LRP1: variants seen among roughly 807,000 people sequenced by gnomAD.
LRP1 encodes the protein prolow-density lipoprotein receptor-related protein 1.
Under a neutral mutation model 541.5 loss-of-function variants are expected in LRP1, and 51 were observed. The observed-to-expected ratio is 0.09, with a 90% CI of 0.08 to 0.12. The LOEUF is 0.12. LRP1 is among the 10% of genes least tolerant of loss of function. The pLI is 1.00. For synonymous variants in LRP1, 2,219 were observed against 2,470.8 expected, an observed-to-expected ratio of 0.90 and a Z score of 3.02; for missense variants, 3,878 against 6,376.2, an observed-to-expected ratio of 0.61 and a Z score of 13.34.
chr12:57,208,259 G>T (rs759037812), intron 77 of LRP1, 43 bp downstream of exon 77: 7 of 1,587,616 alleles, frequency 4.4e-6, no homozygotes, highest in Non-Finnish European at 6.0e-6. Context: ...CTGGTGGTAG[G>T]AAGCCCCCGG....
In LRP1 at chr12:57,191,875, A is replaced by G. The variant is rs1219772343; in HGVS notation, c.7429+363A>G. 3.0e-3 allele frequency among the ~76,000 whole-genome samples: 38 copies of G among 12,648 alleles called. No individual in the cohort carries two copies. The East Asian group carries it at 0.038, about 13-fold the overall frequency. The allele number at this position is 12,648 out of a possible 152,430, so 8.3% of individuals were successfully genotyped here. ...CACACACCACATACACACCACACATACCACACACACCCCACACATACCACA... is the reference window on the plus strand; with the variant it reads ...CACACACCACATACACACCACACATGCCACACACACCCCACACATACCACA... On this transcript the variant is annotated intron_variant, in intron 44 of 88. Coordinates refer to ENST00000243077, the MANE Select transcript of LRP1 (RefSeq NM_002332.3).
intron 18 of LRP1, 92 bp downstream of exon 18, chr12:57,167,138 C>T: frequency 9.5e-7 from 1 of 1,049,976 alleles, no homozygotes; most frequent in Non-Finnish European, 1.5e-6. Flanking sequence ...CACCTGCAAC[C>T]CAGCACTTGG....
Position 57,187,407 on chromosome 12 carries a change from A to C in LRP1, c.6982A>C (p.Met2328Leu). The change falls in exon 42 of 89, where the codon ATG becomes CTG. Residue 2328 changes from methionine (M) to leucine (L), a missense_variant. Met to Leu is a conservative substitution (Grantham distance 15). Around this residue, in one of 13 missense-constraint regions of LRP1, gnomAD observed 1,100 missense variants for 1,827.4 expected, o/e 0.60. Transcript: ENST00000243077. Reference protein sequence around the residue: ...GAFERETVITMSGDDHPRAFV... With the variant: ...GAFERETVITLSGDDHPRAFV... ...CTTCGAGCGTGAGACCGTCATCACT[A>C]TGTCTGGAGATGACCACCCACGGGC... 5.0e-6 allele frequency: 8 copies of C among 1,614,110 alleles called. No homozygotes were observed. Among genetic ancestry groups the C allele is most frequent in the Non-Finnish European group, 6.8e-6 (8 of 1,180,016 alleles).
chr12:57,203,706 G>C (rs1269858429), intron 70 of LRP1, 185 bp downstream of exon 70: 1 of 743,716 alleles, frequency 1.3e-6, no homozygotes, highest in African/African-American at 1.8e-5. Context: ...AAGACACAGG[G>C]CCCCTGAATA....
At chr12:57,160,654 C>A (rs1308105546) in intron 12 of LRP1, among the ~76,000 whole-genome samples, 1 of 152,182 alleles carries the variant, frequency 6.6e-6, no homozygotes, top group Non-Finnish European at 1.5e-5. Context: ...TCCGTGGGAG[C>A]AGGGACCTTG....
In LRP1 at chr12:57,197,015, G is replaced by A. The variant is rs768476942; in HGVS notation, c.8926G>A (p.Asp2976Asn). Reference protein sequence around the residue: ...RCRPGFRLKDDGRTCADVDEC... With the variant: ...RCRPGFRLKDNGRTCADVDEC... ...TCGCCCTGGCTTCCGGCTGAAGGAC[G>A]ACGGCCGGACGTGTGCTGATGTGGA... The change falls in exon 56 of 89, where the codon GAC becomes AAC. Residue 2976 changes from aspartate to asparagine, a missense_variant. Coordinates refer to ENST00000243077, the MANE Select transcript of LRP1 (RefSeq NM_002332.3). This position sits in a 1 kb window ranked among gnomAD's most constrained non-coding sequence, Gnocchi z 4.5. 14 of 1,613,340 alleles carry A rather than the reference G, an allele frequency of 8.7e-6. No individual in the cohort carries two copies. The South Asian group carries it at 1.2e-4, about 14-fold the overall frequency.
chr12:57,135,810 G>A (rs2035148333), intron 1 of LRP1, among the ~76,000 whole-genome samples: 1 of 152,054 alleles, frequency 6.6e-6, no homozygotes, highest in South Asian at 2.1e-4. Context: ...CCTCTGTGGA[G>A]TTCAGGCCAA....
At chr12:57,194,232 C>A in intron 48 of LRP1, 122 bp from the exon 49 acceptor site, 1 of 1,188,070 alleles carries the variant, frequency 8.4e-7, no homozygotes, top group Non-Finnish European at 1.2e-6. Flanking sequence ...CAGACAGTGC[C>A]CCACCAGAAG....
Position 57,173,382 on chromosome 12 carries a change from A to G in LRP1, c.3346+32A>G. The G allele has an allele frequency of 1.2e-6, 2 of 1,602,372 alleles. No homozygotes were observed. Among genetic ancestry groups the G allele is most frequent in the South Asian group, 2.2e-5 (2 of 89,754 alleles). ...AGGATGGTTGGAGGGCGTCTGGAACAGCACAATGTGGGCAGGAGGAGACCG... is the reference window on the plus strand; with the variant it reads ...AGGATGGTTGGAGGGCGTCTGGAACGGCACAATGTGGGCAGGAGGAGACCG... On this transcript the variant is annotated intron_variant, in intron 21 of 88. Transcript: ENST00000243077. This position sits in a 1 kb window ranked among gnomAD's most constrained non-coding sequence, Gnocchi z 4.7.
chr12:57,200,410 A>AC, intron 62 of LRP1, 32 bp from the exon 63 acceptor site: 8 of 507,286 alleles, frequency 1.6e-5, no homozygotes, highest in Admixed American at 5.9e-5. Flanking sequence ...CCAGACCCCC[A>AC]CCAACCCCTC....
Position 57,149,840 on chromosome 12 carries a change from C to T in LRP1, c.841+4350C>T. 5 of 685,194 alleles carry T rather than the reference C, an allele frequency of 7.3e-6. No individual in the cohort carries two copies. In the South Asian group the frequency reaches 7.7e-5, roughly 11 times the overall value. The allele number at this position is 685,194 out of a possible 1,614,324, so 42.4% of individuals were successfully genotyped here. A position where few individuals can be genotyped will look rare whatever the true frequency, so the allele number is the denominator to read the frequency against. ...TTCTGCCAGGCTCGCCAGGAGGTCT[C>T]CTTCCCACCTTCGAAGTCCTCAGAC... On this transcript the variant is annotated intron_variant, in intron 6 of 88. Transcript: ENST00000243077.
At chr12:57,198,697 G>A (rs1307041915) in intron 60 of LRP1, 27 bp downstream of exon 60, 5 of 1,582,986 alleles carry the variant, frequency 3.2e-6, no homozygotes, top group Non-Finnish European at 4.3e-6. Flanking sequence ...GGCTGTCCAG[G>A]CACAGCAGAC....
At chr12:57,163,893 G>A (rs1480012650) in intron 15 of LRP1, among the ~76,000 whole-genome samples, 1 of 152,030 alleles carries the variant, frequency 6.6e-6, no homozygotes, top group Non-Finnish European at 1.5e-5. Flanking sequence ...AAGTAAGGCC[G>A]GGCACAGTGG....
Position 57,197,773 on chromosome 12 carries a change from C to A in LRP1, c.9282+109C>A. Reference sequence around the variant, plus strand: ...CCCAAATTGCTTCCTTCTCACTCCACTAGTCACTATATGACTGCTTGTTCT... The same window carrying A: ...CCCAAATTGCTTCCTTCTCACTCCAATAGTCACTATATGACTGCTTGTTCT... On this transcript the variant is annotated intron_variant, in intron 58 of 88. Transcript: ENST00000243077. The surrounding 1 kb of genome is among the most constrained non-coding windows in gnomAD (Gnocchi z 4.5). 7.7e-7 allele frequency: 1 copy of A among 1,292,666 alleles called. No homozygotes were observed. Among genetic ancestry groups the A allele is most frequent in the Non-Finnish European group, 1.1e-6 (1 of 930,550 alleles). 80.1% of individuals were successfully genotyped at this position (1,292,666 alleles called of 1,614,324 possible).
At chr12:57,195,573 CAGG>C in intron 52 of LRP1, 82 bp from the exon 53 acceptor site, 1 of 1,603,836 alleles carries the variant, frequency 6.2e-7, no homozygotes, top group Non-Finnish European at 8.5e-7. Context: ...CCCACTCTAC[CAGG>C]AGAACCACAG....
rs2036584548 is a variant in LRP1, at chr12:57,198,640, G to A, written c.9646G>A (p.Ala3216Thr). ...ADAREDYIEF[A>T]SLDGSNRHVV... ...CGCCCGCGAGGACTACATTGAATTT[G>A]CCAGCCTGGATGGCTCCAATCGCCA... Residue 3216 changes from alanine to threonine, a missense_variant, in exon 60 of 89, where the codon GCC (alanine) becomes ACC (threonine). By Grantham distance (58) the Ala-to-Thr change is moderately conservative. Transcript: ENST00000243077. 1 of 1,612,486 alleles carries A rather than the reference G, an allele frequency of 6.2e-7. No homozygotes were observed. The highest frequency in any genetic ancestry group is 1.1e-5 in the South Asian group (1 of 90,838).
Position 57,140,220 on chromosome 12 carries a change from G to A in LRP1, c.191-1154G>A, listed in dbSNP as rs115348647. On this transcript the variant is annotated intron_variant, in intron 2 of 88. Transcript: ENST00000243077. Reference sequence around the variant, plus strand: ...TTCCCAGAGTTCTGGGACTATAGGCGTGAGCCACCATGCCTGGCCAGACCA... The same window carrying A: ...TTCCCAGAGTTCTGGGACTATAGGCATGAGCCACCATGCCTGGCCAGACCA... Among the ~76,000 whole-genome samples, 1,346 of 152,204 alleles carry A rather than the reference G, an allele frequency of 8.8e-3. 11 individuals carry two copies. The highest frequency in any genetic ancestry group is 0.017 in the African/African-American group (714 of 41,514).
At chr12:57,160,566 C>T (rs2035709363) in intron 12 of LRP1, among the ~76,000 whole-genome samples, 1 of 152,158 alleles carries the variant, frequency 6.6e-6, no homozygotes, top group South Asian at 2.1e-4. Flanking sequence ...TCCACCCCAT[C>T]ACCCTGCTTT....
At chr12:57,208,927 G>A in intron 78 of LRP1, 110 bp downstream of exon 78, 1 of 1,118,454 alleles carries the variant, frequency 8.9e-7, no homozygotes, top group South Asian at 1.3e-5. Flanking sequence ...GCTTGGACTG[G>A]GGCAGGGCAG....
Sources: gnomAD v4.1 joint callset for allele counts (sites outside exome capture counted in the v4.1 genomes callset) on GRCh38, gnomAD v4.1.1 for gene constraint, gnomAD v4.1.1 regional missense constraint, Gnocchi (gnomAD v3.1) non-coding constraint, MANE v1.5 for transcripts, NCBI Gene and HGNC (gene_info 2026-07-23, HGNC 2026-07-21) for gene names.